PSME4: variants seen among roughly 807,000 people sequenced by gnomAD.
PSME4 encodes the protein proteasome activator subunit 4.
PSME4 carries 89 observed loss-of-function variants against 253.9 expected under a neutral mutation model. The ratio of observed to expected loss-of-function variants is 0.35; its 90% CI spans 0.30 to 0.42. The LOEUF (loss-of-function observed/expected upper bound fraction) is 0.42, where lower values mean the gene tolerates loss of function less well. PSME4 is among the 10% of genes least tolerant of loss of function. The pLI is 1.00. For synonymous variants in PSME4, 851 were observed against 759.2 expected (o/e 1.12, Z -1.99); for missense variants, 2,014 against 2,195.2 (o/e 0.92, Z 1.65).
intron 1 of PSME4, among the ~76,000 whole-genome samples, chr2:53,949,544 C>A (rs1431321373): frequency 1.3e-5 from 2 of 150,936 alleles, no homozygotes; most frequent in East Asian, 3.9e-4. Flanking sequence ...TCCCATCATA[C>A]TTCAGCTAGA....
chr2:53,970,913 T>C lies in PSME4; in HGVS notation c.-129A>G. On this transcript the variant is annotated 5_prime_UTR_variant, in exon 1 of 47. Coordinates refer to ENST00000404125, the MANE Select transcript of PSME4 (RefSeq NM_014614.3). ...TGGCGGCCCGTCGCCCTCGGACCGATCGCTAGGCCCCCTTCCCTGGCCGGC... is the reference window on the plus strand; with the variant it reads ...TGGCGGCCCGTCGCCCTCGGACCGACCGCTAGGCCCCCTTCCCTGGCCGGC... 1 of 734,136 alleles carries C rather than the reference T, an allele frequency of 1.4e-6. No individual in the cohort carries two copies. Among genetic ancestry groups the C allele is most frequent in the South Asian group, 2.3e-5 (1 of 42,706 alleles). The allele number at this position is 734,136 out of a possible 1,614,324, so 45.5% of individuals were successfully genotyped here.
chr2:53,899,396 T>C (rs773106865), intron 29 of PSME4, among the ~76,000 whole-genome samples: 9 of 152,144 alleles, frequency 5.9e-5, no homozygotes, highest in Non-Finnish European at 1.2e-4. Flanking sequence ...TATACCTCCA[T>C]AGCTTAAAAA....
chr2:53,923,067 T>C lies in PSME4; in HGVS notation c.1960A>G (p.Ile654Val). 6.3e-7 allele frequency: 1 copy of C among 1,599,882 alleles called. No homozygotes were observed. Among genetic ancestry groups the C allele is most frequent in the South Asian group, 1.1e-5 (1 of 89,028 alleles). Residue 654 changes from isoleucine to valine, a missense_variant, in exon 16 of 47, where the codon ATA (isoleucine) becomes GTA (valine). Physicochemically the swap from Ile to Val is conservative, Grantham distance 29. Transcript: ENST00000404125. ...KLFVPHCCSV[I>V]TQLTMNDDVL... ...GACTTACTCATTGTAAGCTGAGTTA[T>C]AACACTGCAGCAGTGGGGAACAAAG...
intron 21 of PSME4, 99 bp from the exon 22 acceptor site, chr2:53,908,939 T>C: frequency 1.1e-6 from 1 of 886,752 alleles, no homozygotes; most frequent in Non-Finnish European, 1.8e-6. Context: ...GATAAAGTAT[T>C]GGAGAAAAAA....
chr2:53,949,234 A>C lies in PSME4; in HGVS notation c.292T>G (p.Phe98Val). The C allele has an allele frequency of 6.2e-7, 1 of 1,610,830 alleles. No individual in the cohort carries two copies. The highest frequency in any genetic ancestry group is 8.5e-7 in the Non-Finnish European group (1 of 1,178,322). The change falls in exon 2 of 47, where the codon TTT becomes GTT. Residue 98 changes from phenylalanine to valine, a missense_variant. Physicochemically the swap from Phe to Val is conservative, Grantham distance 50. This residue lies in a region of PSME4 where 615 missense variants were observed against 594.4 expected (regional missense o/e 1.03). Coordinates refer to ENST00000404125, the MANE Select transcript of PSME4 (RefSeq NM_014614.3). Reference protein sequence around the residue: ...RKFSKEDHVLFIKLLYELVSI... With the variant: ...RKFSKEDHVLVIKLLYELVSI... ...ACCAGCTCATACAATAACTTAATAA[A>C]AAGAACATGATCTTCTTTGCTAAAT...
At chr2:53,887,136 G>C in intron 40 of PSME4, 123 bp downstream of exon 40, 2 of 836,128 alleles carry the variant, frequency 2.4e-6, no homozygotes, top group South Asian at 3.5e-5. Context: ...ACTTAAAAAT[G>C]GTTAAAACAG....
intron 37 of PSME4, 46 bp downstream of exon 37, chr2:53,890,058 A>T (rs376174707): frequency 1.5e-6 from 2 of 1,377,800 alleles, no homozygotes; most frequent in African/African-American, 2.9e-5. Flanking sequence ...AGTATCAAAC[A>T]GTTTGAATAG....
chr2:53,896,728 C>G, intron 32 of PSME4, 76 bp downstream of exon 32: 1 of 1,107,524 alleles, frequency 9.0e-7, no homozygotes, highest in Non-Finnish European at 1.4e-6. Context: ...AGGTCAAGAA[C>G]TAGAATTTAT....
chr2:53,905,644 G>A (rs574751071), intron 26 of PSME4, among the ~76,000 whole-genome samples: 2 of 152,220 alleles, frequency 1.3e-5, no homozygotes, highest in Non-Finnish European at 1.5e-5. Context: ...AGGCTACAAG[G>A]CTTGAGTTCA....
At chr2:53,966,538 C>A (rs907691935) in intron 1 of PSME4, among the ~76,000 whole-genome samples, 1 of 151,562 alleles carries the variant, frequency 6.6e-6, no homozygotes, top group African/African-American at 2.4e-5. Context: ...GTGGCACATG[C>A]CTATAATCCC....
intron 1 of PSME4, 124 bp from the exon 2 acceptor site, chr2:53,949,407 GATAAGGAAAATGTGGC>G (rs1669871878): frequency 5.8e-6 from 3 of 514,316 alleles, no homozygotes; most frequent in Non-Finnish European, 9.7e-6. Context: ...AGGATGAATG[GATAAGGAAAATGTGGC>G]ATATACAACA....
intron 4 of PSME4, 90 bp from the exon 5 acceptor site, chr2:53,937,630 G>T: frequency 8.2e-7 from 1 of 1,221,742 alleles, no homozygotes; most frequent in Non-Finnish European, 1.2e-6. Flanking sequence ...GGCTGGGGGA[G>T]GAGGAGAATA....
intron 20 of PSME4, among the ~76,000 whole-genome samples, chr2:53,917,468 C>T (rs1668112667): frequency 6.6e-6 from 1 of 152,076 alleles, no homozygotes; most frequent in Non-Finnish European, 1.5e-5. Flanking sequence ...TGCTTCAATT[C>T]ACTATTACAG....
Position 53,910,059 on chromosome 2 carries a change from A to T in PSME4, c.2572+16T>A. ...AAATAATCCACACAGATTTACTCAG[A>T]TTAGGATTCACATACCATATTCAAG... is the stretch of plus-strand genomic sequence containing the variant. On this transcript the variant is annotated intron_variant, in intron 21 of 46. Transcript: ENST00000404125. 6.3e-7 allele frequency: 1 copy of T among 1,578,302 alleles called. No homozygotes were observed.
intron 39 of PSME4, 45 bp downstream of exon 39, chr2:53,887,813 A>G: frequency 2.6e-6 from 4 of 1,511,814 alleles, no homozygotes; most frequent in Non-Finnish European, 2.7e-6. Context: ...AAAAAAAAAC[A>G]AACAAAGAAC....
At chr2:53,923,987 AAAATTAT>A (rs1668449895) in intron 14 of PSME4, among the ~76,000 whole-genome samples, 1 of 151,956 alleles carries the variant, frequency 6.6e-6, no homozygotes, top group Admixed American at 6.6e-5. Context: ...CCCTACACAT[AAAATTAT>A]ACCTGGTGGA....
At chr2:53,951,134 G>C (rs935409293) in intron 1 of PSME4, among the ~76,000 whole-genome samples, 2 of 152,098 alleles carry the variant, frequency 1.3e-5, no homozygotes, top group African/African-American at 2.4e-5. Context: ...CCAGGCTGGA[G>C]TGCAGTGGCC....
At chr2:53,936,300 T>A in intron 6 of PSME4, 139 bp from the exon 7 acceptor site, 1 of 1,262,426 alleles carries the variant, frequency 7.9e-7, no homozygotes, top group Non-Finnish European at 1.0e-6. Context: ...ACTTTGTTTT[T>A]TTTAAAACCT....
chr2:53,867,526 A>G (rs805382), intron 44 of PSME4, among the ~76,000 whole-genome samples: 41,292 of 143,084 alleles, frequency 0.29, 6,486 homozygotes, highest in South Asian at 0.46. Context: ...AAAAAAAGCT[A>G]GGCATGGCAG....
Sources: allele counts gnomAD v4.1 joint callset (sites outside exome capture counted in the v4.1 genomes callset), GRCh38; gene constraint gnomAD v4.1.1; regional missense constraint gnomAD v4.1.1; transcripts MANE v1.5; gene names NCBI Gene and HGNC (gene_info 2026-07-23, HGNC 2026-07-21).